POLG: variants seen among roughly 807,000 people sequenced by gnomAD.
POLG encodes the protein DNA polymerase gamma, catalytic subunit.
In POLG, 110 loss-of-function variants were observed where a neutral mutation model predicts 155.4. The ratio of observed to expected loss-of-function variants is 0.71; its 90% CI spans 0.61 to 0.83. The LOEUF is 0.83. POLG is among the 40% of genes least tolerant of loss of function. POLG has a pLI of 0.00. For synonymous variants in POLG, 701 were observed against 631.5 expected (o/e 1.11, Z -1.65); for missense variants, 1,685 against 1,627.5 (o/e 1.04, Z -0.61).
rs1596359368 is a variant in POLG at position 89,328,700 on chromosome 15, A to G, written c.1155T>C (p.Ile385=). The change falls in exon 5 of 23, where the codon ATT becomes ATC. Residue 385 remains isoleucine, a synonymous_variant. Coordinates refer to ENST00000268124, the MANE Select transcript of POLG (RefSeq NM_002693.3). ...AGCACCATACCTGGAAGTTCTCACGAATGTCCTTCATGGTGCCCTTCACAA... is the reference window on the plus strand; with the variant it reads ...AGCACCATACCTGGAAGTTCTCACGGATGTCCTTCATGGTGCCCTTCACAA... ...ELFVKGTMKD[I]RENFQDLMQY... The G allele has an allele frequency of 1.2e-6, 2 of 1,614,062 alleles. No individual in the cohort carries two copies. The highest frequency in any genetic ancestry group is 1.7e-6 in the Non-Finnish European group (2 of 1,180,010).
chr15:89,317,058 A>G lies in POLG; in HGVS notation c.3644-231T>C. ...TTTCTGATTTACTTGTTTGGTATTTAAAGCACAGTTTGTTTTTCTGTCACC... is the reference window on the plus strand; with the variant it reads ...TTTCTGATTTACTTGTTTGGTATTTGAAGCACAGTTTGTTTTTCTGTCACC... On this transcript the variant is annotated intron_variant, in intron 22 of 22. Coordinates refer to ENST00000268124, the MANE Select transcript of POLG (RefSeq NM_002693.3). 1.0e-5 allele frequency: 6 copies of G among 593,220 alleles called. No individual in the cohort carries two copies. The East Asian group carries it at 1.7e-4, about 17-fold the overall frequency. 36.7% of individuals were successfully genotyped at this position (593,220 alleles called of 1,614,324 possible).
Position 89,325,161 on chromosome 15 carries a change from AG to A in POLG, c.1949+288del, listed in dbSNP as rs1567189632. Among the ~76,000 whole-genome samples the A allele has an allele frequency of 7.1e-5, 7 of 98,500 alleles. 2 individuals carry two copies. Among genetic ancestry groups the A allele is most frequent in the African/African-American group, 1.2e-4 (3 of 24,700 alleles). The allele number at this position is 98,500 out of a possible 152,430, so 64.6% of individuals were successfully genotyped here. A position where few individuals can be genotyped will look rare whatever the true frequency, so the allele number is the denominator to read the frequency against. On this transcript the variant is annotated intron_variant, in intron 10 of 22. Transcript: ENST00000268124. ...GAGTGAGAGAGTGAGTGAGTGAGTG[AG>A]TGAGTGAGAGAGTGAGAGAGTGAGT...
intron 16 of POLG, 49 bp from the exon 17 acceptor site, chr15:89,321,309 T>C: frequency 6.2e-7 from 1 of 1,605,806 alleles, no homozygotes; most frequent in East Asian, 2.2e-5. Context: ...ACCCCATTCC[T>C]GGAGCCAGAG....
rs746560565 is a variant in POLG at position 89,325,655 on chromosome 15, C to T, written c.1744G>A (p.Asp582Asn). Residue 582 changes from aspartate (D) to asparagine (N), a missense_variant, in exon 10 of 23, where the codon GAC (aspartate) becomes AAC (asparagine). By Grantham distance (23) the Asp-to-Asn change is conservative. Coordinates refer to ENST00000268124, the MANE Select transcript of POLG (RefSeq NM_002693.3). ...CTGGGGCCCGGGGTCCATGCAGGGT[C>T]GTCTAGCCGGGGGCAGAGCTTCCGG... ...WYRKLCPRLD[D>N]PAWTPGPSLL... 33 of 1,611,014 alleles carry T rather than the reference C, an allele frequency of 2.0e-5. No individual in the cohort carries two copies. The highest frequency in any genetic ancestry group is 5.0e-5 in the Admixed American group (3 of 60,002).
At position 89,316,841 on chromosome 15, in the gene POLG, C is replaced by T. The variant is rs3087375; in HGVS notation, c.3644-14G>A. 6.2e-6 allele frequency: 10 copies of T among 1,602,266 alleles called. No individual in the cohort carries two copies. The East Asian group carries it at 6.7e-5, about 11-fold the overall frequency. On this transcript the variant is annotated splice_polypyrimidine_tract_variant and intron_variant, in intron 22 of 22. Coordinates refer to ENST00000268124, the MANE Select transcript of POLG (RefSeq NM_002693.3). Reference sequence around the variant, plus strand: ...CCAGCGCTTCACCTGAAAGATAGTGCAAATTGGTTAGGATGCCACCTCAAG... The same window carrying T: ...CCAGCGCTTCACCTGAAAGATAGTGTAAATTGGTTAGGATGCCACCTCAAG...
intron 22 of POLG, 92 bp downstream of exon 22, chr15:89,317,284 C>T (rs192368879): frequency 1.2e-5 from 15 of 1,205,942 alleles, no homozygotes; most frequent in Middle Eastern, 2.5e-4. Flanking sequence ...AGAGTGGATT[C>T]TCTGGGGCCC....
rs1567192772 is a variant in POLG, at chr15:89,330,122, A to G, written c.814T>C (p.Ser272Pro). ...TCCCTGATATGAGCTCGGTCAAAGGAAACATTGTGCCCCACCACTAACTGC... is the reference window on the plus strand; with the variant it reads ...TCCCTGATATGAGCTCGGTCAAAGGGAACATTGTGCCCCACCACTAACTGC... ...QEQLVVGHNV[S>P]FDRAHIREQY... is the part of the protein sequence containing the mutation. Residue 272 changes from serine to proline, a missense_variant, in exon 3 of 23, where the codon TCC (serine) becomes CCC (proline). Coordinates refer to ENST00000268124, the MANE Select transcript of POLG (RefSeq NM_002693.3). 6.2e-7 allele frequency: 1 copy of G among 1,614,066 alleles called. No homozygotes were observed. The highest frequency in any genetic ancestry group is 2.2e-5 in the East Asian group (1 of 44,892).
Position 89,327,150 on chromosome 15 carries a change from A to T in POLG, c.1433+17T>A. The T allele has an allele frequency of 6.2e-7, 1 of 1,614,174 alleles. No individual in the cohort carries two copies. The highest frequency in any genetic ancestry group is 1.3e-5 in the African/African-American group (1 of 75,046). ...CCAGTCCCCTGCCTAGATCCTGCCC[A>T]CCCAAGGCCTGGCTACCTCTCTCCT... On this transcript the variant is annotated intron_variant, in intron 7 of 22. Transcript: ENST00000268124.
At chr15:89,325,764 TC>T in intron 9 of POLG, 78 bp from the exon 10 acceptor site, 1 of 1,130,318 alleles carries the variant, frequency 8.8e-7, no homozygotes, top group African/African-American at 1.5e-5. Context: ...TCTCACAATG[TC>T]CCCACCCACC....
At chr15:89,319,434 C>T in intron 18 of POLG, 84 bp from the exon 19 acceptor site, 1 of 1,572,268 alleles carries the variant, frequency 6.4e-7, no homozygotes, top group Non-Finnish European at 8.7e-7. Context: ...TCACATATCA[C>T]TTCAACTTTT....
chr15:89,317,499 G>T lies in POLG; in HGVS notation c.3520C>A (p.Pro1174Thr), dbSNP rs762019809. ...GCACTGAAAAAGGCGACTGACTGGG[G>T]CAAGTCATTCAGACCCAGCTTGTAG... ...FAYKLGLNDL[P>T]QSVAFFSAVD... The change falls in exon 22 of 23, where the codon CCC becomes ACC. Residue 1174 changes from proline (P) to threonine (T), a missense_variant. Pro to Thr is a conservative substitution (Grantham distance 38). Transcript: ENST00000268124. 2 of 1,614,064 alleles carry T rather than the reference G, an allele frequency of 1.2e-6. No homozygotes were observed. The highest frequency in any genetic ancestry group is 1.7e-5 in the Admixed American group (1 of 60,018).
intron 10 of POLG, 139 bp from the exon 11 acceptor site, chr15:89,324,366 C>G: frequency 1.0e-6 from 1 of 989,816 alleles, no homozygotes; most frequent in Admixed American, 2.0e-5. Context: ...TAGCACTTTC[C>G]CGGGTTTTAG....
Position 89,333,254 on chromosome 15 carries a change from C to T in POLG, c.501G>A (p.Pro167=), listed in dbSNP as rs886044612. 1.3e-6 allele frequency: 2 copies of T among 1,563,518 alleles called. No individual in the cohort carries two copies. Among genetic ancestry groups the T allele is most frequent in the Non-Finnish European group, 1.7e-6 (2 of 1,153,196 alleles). Residue 167 remains proline, a synonymous_variant, in exon 2 of 23, where the codon CCG becomes CCA. Coordinates refer to ENST00000268124, the MANE Select transcript of POLG (RefSeq NM_002693.3). Reference sequence around the variant, plus strand: ...TCCAGCCCTCCGCCCAGGCCCAAGCCGGGGGCTTCGGGGGCAGCTGGGCCT... The same window carrying T: ...TCCAGCCCTCCGCCCAGGCCCAAGCTGGGGGCTTCGGGGGCAGCTGGGCCT... ...LLQAQLPPKP[P]AWAWAEGWTR...
rs972146046 is a variant in POLG, at chr15:89,334,790, G to C, written c.-277C>G. 4.6e-5 allele frequency: 7 copies of C among 152,336 alleles called. No homozygotes were observed. The highest frequency in any genetic ancestry group is 1.7e-4 in the African/African-American group (7 of 41,474). The allele number at this position is 152,336 out of a possible 1,614,324, so 9.4% of individuals were successfully genotyped here. On this transcript the variant is annotated 5_prime_UTR_variant, in exon 1 of 23. Coordinates refer to ENST00000268124, the MANE Select transcript of POLG (RefSeq NM_002693.3). ...GTAGCGTGTGGCCTCCACCCGGCCG[G>C]TCCGCTTCGCTGGCAGCCGCAACTT...
chr15:89,317,664 A>C (rs1473176283), intron 21 of POLG, 128 bp from the exon 22 acceptor site: 13 of 896,842 alleles, frequency 1.4e-5, no homozygotes, highest in Admixed American at 7.3e-5. Context: ...CTGTTCACTT[A>C]GCTAAGTCAA....
chr15:89,325,107 AG>A lies in POLG; in HGVS notation c.1949+342del, dbSNP rs2055469280. On this transcript the variant is annotated intron_variant, in intron 10 of 22. Transcript: ENST00000268124. Reference sequence around the variant, plus strand: ...GAGAGAGTGAGTGAGTGAGAGAGTGAGAGAGAGTGAGTGAGTGAGTGAGAGA... The same window carrying A: ...GAGAGAGTGAGTGAGTGAGAGAGTGAAGAGAGTGAGTGAGTGAGTGAGAGA... Among the ~76,000 whole-genome samples, 36 of 36,664 alleles carry A rather than the reference AG, an allele frequency of 9.8e-4. 5 individuals are homozygous for A. The highest frequency in any genetic ancestry group is 2.2e-3 in the East Asian group (3 of 1,386). 24.1% of individuals were successfully genotyped at this position (36,664 alleles called of 152,430 possible). A position where few individuals can be genotyped will look rare whatever the true frequency, so the allele number is the denominator to read the frequency against.
At chr15:89,320,677 G>T in intron 18 of POLG, 89 bp downstream of exon 18, 1 of 1,444,872 alleles carries the variant, frequency 6.9e-7, no homozygotes, top group Non-Finnish European at 9.6e-7. Flanking sequence ...CAAGTAATGG[G>T]CAGGAGATAG....
Position 89,316,514 on chromosome 15 carries a change from C to A in POLG, c.*237G>T, listed in dbSNP as rs2055270079. 2.6e-6 allele frequency: 4 copies of A among 1,539,758 alleles called. No individual in the cohort carries two copies. Among genetic ancestry groups the A allele is most frequent in the Non-Finnish European group, 3.5e-6 (4 of 1,127,320 alleles). On this transcript the variant is annotated 3_prime_UTR_variant, in exon 23 of 23. Coordinates refer to ENST00000268124, the MANE Select transcript of POLG (RefSeq NM_002693.3). ...GGGCTTCTGCTTCATTTTTACCCAA[C>A]AAGCAACAATGCCCCTTGTCCTGTA...
At chr15:89,324,482 C>T (rs761492537) in intron 10 of POLG, among the ~76,000 whole-genome samples, 15 of 152,200 alleles carry the variant, frequency 9.9e-5, no homozygotes, top group South Asian at 2.1e-4. Flanking sequence ...ACAGAGCTGC[C>T]GTCTCAAGAG....
Sources: allele counts gnomAD v4.1 joint callset (sites outside exome capture counted in the v4.1 genomes callset), GRCh38; gene constraint gnomAD v4.1.1; transcripts MANE v1.5; gene names NCBI Gene and HGNC (gene_info 2026-07-23, HGNC 2026-07-21).